CCDC148: variants seen among roughly 807,000 people sequenced by gnomAD.
CCDC148 encodes coiled-coil domain-containing protein 148.
In CCDC148, 89 loss-of-function variants were observed where a neutral mutation model predicts 85.7. The observed-to-expected ratio is 1.04, with a 90% CI of 0.87 to 1.24. The LOEUF (loss-of-function observed/expected upper bound fraction) is 1.24. CCDC148 is among the 50% of genes most tolerant of loss of function. The pLI, the probability that CCDC148 is intolerant of heterozygous loss-of-function variation, is 0.00. For synonymous variants in CCDC148, 230 were observed against 213.9 expected, an observed-to-expected ratio of 1.08 and a Z score of -0.66; for missense variants, 692 against 671.7, an observed-to-expected ratio of 1.03 and a Z score of -0.33.
intron 2 of CCDC148, among the ~76,000 whole-genome samples, chr2:158,357,290 C>G (rs906328770): frequency 1.4e-5 from 2 of 139,902 alleles, no homozygotes; most frequent in Admixed American, 7.0e-5. Context: ...TAAAAAAAAA[C>G]AAAAAAAAAG....
intron 1 of CCDC148, among the ~76,000 whole-genome samples, chr2:158,434,691 G>T (rs1379235873): frequency 6.6e-6 from 1 of 150,968 alleles, no homozygotes; most frequent in Admixed American, 6.6e-5. Flanking sequence ...GCTAAAGGAG[G>T]ATGTTTGAAC....
intron 9 of CCDC148, among the ~76,000 whole-genome samples, chr2:158,272,097 A>G (rs368149329): frequency 7.9e-5 from 12 of 152,194 alleles, no homozygotes; most frequent in African/African-American, 2.7e-4. Flanking sequence ...TAATATCAGG[A>G]CAAAATATAA....
chr2:158,176,537 G>A lies in CCDC148; in HGVS notation c.1613C>T (p.Thr538Ile), dbSNP rs1025636659. 1.2e-6 allele frequency: 2 copies of A among 1,611,294 alleles called. No individual in the cohort carries two copies. The highest frequency in any genetic ancestry group is 1.7e-5 in the Admixed American group (1 of 59,838). ...ILQKPLFTLNTYNEQQIISDP... is the reference protein window; with the variant it reads ...ILQKPLFTLNIYNEQQIISDP... Reference sequence around the variant, plus strand: ...CATAATTACCTGCTGTTCATTGTATGTATTCAATGTGAAGAGTGGCTTTTG... The same window carrying A: ...CATAATTACCTGCTGTTCATTGTATATATTCAATGTGAAGAGTGGCTTTTG... Residue 538 changes from threonine (T) to isoleucine (I), a missense_variant, in exon 13 of 14, where the codon ACA (threonine) becomes ATA (isoleucine). By Grantham distance (89) the Thr-to-Ile change is moderately conservative. Coordinates refer to ENST00000283233, the MANE Select transcript of CCDC148 (RefSeq NM_138803.4).
intron 1 of CCDC148, among the ~76,000 whole-genome samples, chr2:158,413,622 G>A (rs1316194099): frequency 6.6e-6 from 1 of 150,844 alleles, no homozygotes; most frequent in Non-Finnish European, 1.5e-5. Flanking sequence ...TTCTTTTGAG[G>A]AAACTAAATC....
chr2:158,292,003 A>T (rs367775809), intron 9 of CCDC148, among the ~76,000 whole-genome samples: 2 of 152,146 alleles, frequency 1.3e-5, no homozygotes, highest in Non-Finnish European at 2.9e-5. Flanking sequence ...CACATTTAAC[A>T]TGTCTTTTAT....
chr2:158,453,656 G>A (rs1688493470), intron 1 of CCDC148, among the ~76,000 whole-genome samples: 1 of 152,048 alleles, frequency 6.6e-6, no homozygotes. Flanking sequence ...CCTATTCCTT[G>A]CTGCCTCTGC....
intron 8 of CCDC148, 108 bp from the exon 9 acceptor site, chr2:158,309,747 A>G: frequency 1.2e-6 from 1 of 820,980 alleles, no homozygotes; most frequent in South Asian, 1.9e-5. Context: ...ATGATTTTGA[A>G]AAACTGGGGA....
At chr2:158,350,950 T>C (rs944026145) in intron 2 of CCDC148, among the ~76,000 whole-genome samples, 1 of 152,068 alleles carries the variant, frequency 6.6e-6, no homozygotes, top group Non-Finnish European at 1.5e-5. Context: ...CTGTTACTCA[T>C]CCTCACCCTA....
At chr2:158,292,238 G>C (rs1433338515) in intron 9 of CCDC148, among the ~76,000 whole-genome samples, 1 of 152,082 alleles carries the variant, frequency 6.6e-6, no homozygotes, top group Admixed American at 6.6e-5. Context: ...TTACAAAATA[G>C]GGATTTTCTC....
chr2:158,406,613 C>CTTTTTTTTTCTGTTTTTTTTTTTTGT lies in CCDC148; in HGVS notation c.26-48044_26-48043insACAAAAAAAAAAAACAGAAAAAAAAA, dbSNP rs1559124447. ...ACAGCCAGTTAAACAGATTAAATTT[C>CTTTTTTTTTCTGTTTTTTTTTTTTGT]TTTTTTTTTTTTTTTTTTTTTTTTT... On this transcript the variant is annotated intron_variant, in intron 1 of 13. Transcript: ENST00000283233. Among the ~76,000 whole-genome samples the CTTTTTTTTTCTGTTTTTTTTTTTTGT allele has an allele frequency of 2.5e-4, 8 of 31,460 alleles. 1 individual carries two copies. Among genetic ancestry groups the CTTTTTTTTTCTGTTTTTTTTTTTTGT allele is most frequent in the Admixed American group, 4.7e-4 (1 of 2,130 alleles). The allele number at this position is 31,460 out of a possible 152,430, so 20.6% of individuals were successfully genotyped here. A position where few individuals can be genotyped will look rare whatever the true frequency, so the allele number is the denominator to read the frequency against.
At chr2:158,423,827 G>A (rs1686931252) in intron 1 of CCDC148, among the ~76,000 whole-genome samples, 1 of 151,662 alleles carries the variant, frequency 6.6e-6, no homozygotes, top group Non-Finnish European at 1.5e-5. Flanking sequence ...TCTGACAAAG[G>A]GCTAATATCC....
intron 8 of CCDC148, among the ~76,000 whole-genome samples, chr2:158,311,872 T>C (rs1692034118): frequency 6.6e-6 from 1 of 152,186 alleles, no homozygotes; most frequent in Non-Finnish European, 1.5e-5. Flanking sequence ...CAGTAGCTCC[T>C]TTTGGCAGTG....
chr2:158,341,922 TACTAAC>T (rs1167310045), intron 3 of CCDC148, among the ~76,000 whole-genome samples: 4 of 150,808 alleles, frequency 2.7e-5, no homozygotes, highest in African/African-American at 4.8e-5. Flanking sequence ...TTTTTTTTTT[TACTAAC>T]ACTAACTTTT....
At chr2:158,275,775 G>T (rs1689911013) in intron 9 of CCDC148, among the ~76,000 whole-genome samples, 2 of 151,700 alleles carry the variant, frequency 1.3e-5, no homozygotes, top group Admixed American at 1.3e-4. Flanking sequence ...TATTGCTTTG[G>T]AAGAGTGTAA....
intron 1 of CCDC148, among the ~76,000 whole-genome samples, chr2:158,438,857 C>T (rs1194804955): frequency 7.9e-5 from 12 of 152,022 alleles, no homozygotes; most frequent in Admixed American, 7.9e-4. Context: ...TTTATGCAGC[C>T]AACAGACACA....
chr2:158,355,052 T>A (rs1353500706), intron 2 of CCDC148, among the ~76,000 whole-genome samples: 2 of 151,962 alleles, frequency 1.3e-5, no homozygotes, highest in Admixed American at 6.6e-5. Context: ...AAACTCTCAA[T>A]AAATTAGGTA....
intron 1 of CCDC148, among the ~76,000 whole-genome samples, chr2:158,379,677 A>G (rs1684791314): frequency 6.6e-6 from 1 of 152,160 alleles, no homozygotes; most frequent in Non-Finnish European, 1.5e-5. Flanking sequence ...AGCCATCAAC[A>G]TTGAGGCAAG....
At chr2:158,336,740 C>T (rs1682406758) in intron 7 of CCDC148, among the ~76,000 whole-genome samples, 1 of 152,066 alleles carries the variant, frequency 6.6e-6, no homozygotes, top group African/African-American at 2.4e-5. Flanking sequence ...TTTTTCTTTT[C>T]AAATTCAACT....
intron 1 of CCDC148, among the ~76,000 whole-genome samples, chr2:158,360,810 T>C (rs1049074994): frequency 2.0e-5 from 3 of 151,858 alleles, no homozygotes; most frequent in Non-Finnish European, 4.4e-5. Context: ...GGAACAAAAC[T>C]GGATGGAAAA....
Sources: allele counts gnomAD v4.1 joint callset (sites outside exome capture counted in the v4.1 genomes callset), GRCh38; gene constraint gnomAD v4.1.1; transcripts MANE v1.5; gene names NCBI Gene and HGNC (gene_info 2026-07-23, HGNC 2026-07-21).